DGKH: variants seen among roughly 807,000 people sequenced by gnomAD.
DGKH encodes diacylglycerol kinase eta.
In DGKH, 90 loss-of-function variants were observed where a neutral mutation model predicts 159.3. That is an observed-to-expected ratio of 0.57 (90% CI 0.48 to 0.67). DGKH has a LOEUF of 0.67. DGKH is among the 30% of genes least tolerant of loss of function. The pLI is 0.00. For synonymous variants in DGKH, 536 were observed against 553.8 expected (o/e 0.97, Z 0.45); for missense variants, 1,181 against 1,506.1 (o/e 0.78, Z 3.57).
chr13:42,103,840 G>C (rs1389954768), intron 1 of DGKH, among the ~76,000 whole-genome samples: 4 of 152,196 alleles, frequency 2.6e-5, no homozygotes, highest in Non-Finnish European at 1.5e-5. Flanking sequence ...GGTTAGGAAG[G>C]AGGAAAGGGG....
chr13:42,045,140 C>T (rs967294696), upstream of DGKH, among the ~76,000 whole-genome samples: 1 of 152,036 alleles, frequency 6.6e-6, no homozygotes, highest in Non-Finnish European at 1.5e-5. Flanking sequence ...TAAATAACAA[C>T]AACCACAACA....
At position 42,231,488 on chromosome 13, in the gene DGKH, C is replaced by T. The variant is rs769584214; in HGVS notation, c.*2300C>T. 6.6e-6 allele frequency: 1 copy of T among 152,188 alleles called. No individual in the cohort carries two copies. Among genetic ancestry groups the T allele is most frequent in the South Asian group, 2.1e-4 (1 of 4,826 alleles). 9.4% of individuals were successfully genotyped at this position (152,188 alleles called of 1,614,324 possible). A position where few individuals can be genotyped will look rare whatever the true frequency, so the allele number is the denominator to read the frequency against. On this transcript the variant is annotated 3_prime_UTR_variant, in exon 30 of 30. Transcript: ENST00000337343. The stretch of plus-strand genomic sequence containing the variant: ...GCTGTCCTGCTCCTGTGAACACTTT[C>T]CTGTGCAACCAAACAGGAGGTGCCA...
intron 24 of DGKH, among the ~76,000 whole-genome samples, chr13:42,214,156 A>G (rs1308573710): frequency 1.3e-5 from 2 of 152,250 alleles, no homozygotes; most frequent in African/African-American, 4.8e-5. Flanking sequence ...TCAATGAATG[A>G]AAGAGAAGTT....
chr13:42,254,494 A>G (rs1181806490), intron 30 of DGKH, among the ~76,000 whole-genome samples: 1 of 152,004 alleles, frequency 6.6e-6, no homozygotes, highest in Non-Finnish European at 1.5e-5. Flanking sequence ...TTAGCCAGGC[A>G]TGGTGGCGGG....
chr13:42,051,613 G>A (rs1321347685), intron 1 of DGKH, among the ~76,000 whole-genome samples: 2 of 150,900 alleles, frequency 1.3e-5, no homozygotes, highest in Non-Finnish European at 2.9e-5. Flanking sequence ...GCACCTGGAG[G>A]AGAGGTAGGC....
intron 29 of DGKH, among the ~76,000 whole-genome samples, chr13:42,223,092 A>C (rs1298643318): frequency 6.6e-6 from 1 of 152,214 alleles, no homozygotes; most frequent in Non-Finnish European, 1.5e-5. Context: ...AAATTGTATT[A>C]GGTCTGAAAC....
chr13:42,077,442 C>T (rs942050989), intron 1 of DGKH, among the ~76,000 whole-genome samples: 1 of 152,104 alleles, frequency 6.6e-6, no homozygotes, highest in Admixed American at 6.5e-5. Context: ...TTGATTATTA[C>T]TGGTGACACT....
At chr13:42,051,283 G>A (rs923414114) in intron 1 of DGKH, among the ~76,000 whole-genome samples, 1 of 152,194 alleles carries the variant, frequency 6.6e-6, no homozygotes, top group African/African-American at 2.4e-5. Flanking sequence ...TAGAGTGCAT[G>A]TAAGTTCATC....
At chr13:42,089,395 T>C (rs1247122370) in intron 1 of DGKH, among the ~76,000 whole-genome samples, 1 of 152,220 alleles carries the variant, frequency 6.6e-6, no homozygotes, top group Admixed American at 6.5e-5. Context: ...ATGGCTATGG[T>C]GACAAATGAC....
At chr13:42,215,756 T>A in intron 26 of DGKH, 89 bp downstream of exon 26, 1 of 1,210,370 alleles carries the variant, frequency 8.3e-7, no homozygotes, top group South Asian at 1.5e-5. Context: ...TGGCAGATTC[T>A]AAGGCAGAAG....
chr13:42,214,508 ATAT>A lies in DGKH; in HGVS notation c.3017_3019del (p.Ile1006_Cys1007delinsSer). 6.2e-7 allele frequency: 1 copy of A among 1,609,742 alleles called. No homozygotes were observed. The highest frequency in any genetic ancestry group is 8.5e-7 in the Non-Finnish European group (1 of 1,178,480). On this transcript the variant is annotated inframe_deletion and splice_region_variant, in exon 25 of 30. Transcript: ENST00000337343. ...CATTTGTTTCATTTTTGCTTTTAGG[ATAT>A]GTGACGCAGCCACAATTCACTGTCT...
chr13:42,128,323 G>A (rs981860002), intron 2 of DGKH, among the ~76,000 whole-genome samples: 2 of 152,156 alleles, frequency 1.3e-5, no homozygotes, highest in African/African-American at 4.8e-5. Context: ...ATAAATGTAT[G>A]CTCCTGATAT....
intron 12 of DGKH, 40 bp from the exon 13 acceptor site, chr13:42,178,095 C>G (rs777719892): frequency 3.4e-6 from 5 of 1,482,498 alleles, no homozygotes; most frequent in Non-Finnish European, 4.6e-6. Context: ...TGTATAAATG[C>G]CAGCAACAAT....
downstream of DGKH, among the ~76,000 whole-genome samples, chr13:42,244,783 AG>A (rs1958565002): frequency 6.6e-6 from 1 of 150,382 alleles, no homozygotes; most frequent in South Asian, 2.1e-4. Context: ...GGGCGCCTGT[AG>A]TCCCAGCTAC....
chr13:42,140,901 T>A (rs971699372), intron 3 of DGKH: 9 of 151,538 alleles, frequency 5.9e-5, no homozygotes, highest in Admixed American at 2.0e-4. Context: ...AGTAAAAAAA[T>A]TTTATATTTT....
At position 42,188,441 on chromosome 13, in the gene DGKH, A is replaced by G. The variant is rs571176515; in HGVS notation, c.1639-595A>G. Among the ~76,000 whole-genome samples the G allele has an allele frequency of 4.6e-5, 7 of 152,316 alleles. No homozygotes were observed. The South Asian group carries it at 1.5e-3, about 32-fold the overall frequency. ...TCCTTCCTGCACTTTCTTTGAGCCA[A>G]TAATCCCTTAGGCATTGTTCACTCC... is the stretch of plus-strand genomic sequence containing the variant. On this transcript the variant is annotated intron_variant, in intron 14 of 29. Coordinates refer to ENST00000337343, the MANE Select transcript of DGKH (RefSeq NM_178009.5).
intron 1 of DGKH, among the ~76,000 whole-genome samples, chr13:42,093,077 C>T (rs1954451422): frequency 6.6e-6 from 1 of 151,886 alleles, no homozygotes; most frequent in Non-Finnish European, 1.5e-5. Context: ...AGCCCTATCT[C>T]TACTAAAAAT....
intron 3 of DGKH, among the ~76,000 whole-genome samples, chr13:42,132,907 G>A (rs937001053): frequency 1.1e-4 from 17 of 151,994 alleles, no homozygotes; most frequent in African/African-American, 9.7e-5. Context: ...GATGGCTCAC[G>A]TCTGTAATCC....
intron 3 of DGKH, chr13:42,140,684 A>G (rs1459591114): frequency 1.3e-5 from 2 of 152,138 alleles, no homozygotes; most frequent in East Asian, 3.9e-4. Flanking sequence ...AAGAAGGGCA[A>G]TGGAATTTAC....
Sources: gnomAD v4.1 joint callset for allele counts (sites outside exome capture counted in the v4.1 genomes callset) on GRCh38, gnomAD v4.1.1 for gene constraint, MANE v1.5 for transcripts, NCBI Gene and HGNC (gene_info 2026-07-23, HGNC 2026-07-21) for gene names.